Variants in PSMD9 observed in about 807,000 individuals in gnomAD.
PSMD9 encodes the protein 26S proteasome non-ATPase regulatory subunit 9.
PSMD9 carries 26 observed loss-of-function variants against 25.9 expected under a neutral mutation model. That is an observed-to-expected ratio of 1.00 (90% CI 0.73 to 1.39). The LOEUF is 1.39. PSMD9 is among the 40% of genes most tolerant of loss of function. PSMD9 has a pLI of 0.00. For synonymous variants in PSMD9, 110 were observed against 114.5 expected, an observed-to-expected ratio of 0.96 and a Z score of 0.25; for missense variants, 303 against 299.3, an observed-to-expected ratio of 1.01 and a Z score of -0.09.
chr12:121,894,696 A>G (rs1879179602), intron 1 of PSMD9, 43 bp from the exon 2 acceptor site: 2 of 1,546,236 alleles, frequency 1.3e-6, no homozygotes, highest in Non-Finnish European at 1.8e-6. Context: ...TCCTGGGGAC[A>G]TTACACCCAT....
chr12:121,910,501 C>T (rs906146292), intron 4 of PSMD9, among the ~76,000 whole-genome samples: 4 of 151,712 alleles, frequency 2.6e-5, no homozygotes, highest in Admixed American at 6.6e-5. Flanking sequence ...GTGGCTCACG[C>T]CTATAATCCC....
chr12:121,897,925 AT>A (rs970713536), intron 2 of PSMD9: 7 of 152,222 alleles, frequency 4.6e-5, no homozygotes, highest in African/African-American at 1.7e-4. Flanking sequence ...CCCTTTCAAC[AT>A]TTTGATTAGA....
intron 4 of PSMD9, among the ~76,000 whole-genome samples, chr12:121,913,516 G>A (rs1436307462): frequency 7.0e-6 from 1 of 143,070 alleles, no homozygotes; most frequent in African/African-American, 2.6e-5. Context: ...TTTTAAGACA[G>A]AATCTCACTC....
chr12:121,916,036 G>A, intron 5 of PSMD9, 92 bp downstream of exon 5: 1 of 1,337,606 alleles, frequency 7.5e-7, no homozygotes, highest in East Asian at 2.3e-5. Context: ...GAGACATTGG[G>A]GAATAATGGG....
At chr12:121,902,545 C>A (rs747455965) in intron 3 of PSMD9, 20 of 167,070 alleles carry the variant, frequency 1.2e-4, no homozygotes, top group Admixed American at 2.3e-4. Flanking sequence ...AGAACAAGAG[C>A]GTCACTCTAG....
chr12:121,897,045 G>T (rs1483796013), intron 2 of PSMD9, among the ~76,000 whole-genome samples: 3 of 151,944 alleles, frequency 2.0e-5, no homozygotes, highest in African/African-American at 7.3e-5. Context: ...ATGAGTGAAT[G>T]ACTCAGGCTG....
chr12:121,902,379 C>T (rs1879425547), intron 3 of PSMD9: 1 of 152,774 alleles, frequency 6.5e-6, no homozygotes, highest in Non-Finnish European at 1.5e-5. Flanking sequence ...AAACCCTGGT[C>T]CTACCAGTCT....
chr12:121,897,401 T>G (rs1188072561), intron 2 of PSMD9: 2 of 152,216 alleles, frequency 1.3e-5, no homozygotes, highest in East Asian at 3.9e-4. Flanking sequence ...GCCTCCCAAG[T>G]AGCTGAGATT....
At chr12:121,889,602 G>A (rs542988867) in intron 1 of PSMD9, among the ~76,000 whole-genome samples, 1 of 152,272 alleles carries the variant, frequency 6.6e-6, no homozygotes, top group South Asian at 2.1e-4. Context: ...TTTTGTTTGA[G>A]GCAAGGGAGC....
At chr12:121,889,072 T>A in intron 1 of PSMD9, 78 bp downstream of exon 1, 1 of 1,508,770 alleles carries the variant, frequency 6.6e-7, no homozygotes, top group Non-Finnish European at 8.9e-7. Flanking sequence ...CAGGGCGGCC[T>A]CAGTTTGGGC....
At chr12:121,906,741 G>C (rs1475400611) in intron 4 of PSMD9, among the ~76,000 whole-genome samples, 1 of 151,686 alleles carries the variant, frequency 6.6e-6, no homozygotes, top group Non-Finnish European at 1.5e-5. Context: ...TTGAACCTCG[G>C]AGGCAGAGGT....
Position 121,917,549 on chromosome 12 carries a change from A to C in PSMD9, c.*1238A>C, listed in dbSNP as rs748565011. The C allele has an allele frequency of 3.3e-5, 5 of 152,124 alleles. No homozygotes were observed. Among genetic ancestry groups the C allele is most frequent in the Admixed American group, 6.6e-5 (1 of 15,252 alleles). The allele number at this position is 152,124 out of a possible 1,614,324, so 9.4% of individuals were successfully genotyped here. The stretch of plus-strand genomic sequence containing the variant: ...CTTGCACACCGCTTTCTGTTTTGGC[A>C]GTTCTGCCAGGCAAGCCCTGTGTTC... On this transcript the variant is annotated 3_prime_UTR_variant, in exon 6 of 6. Transcript: ENST00000541212.
chr12:121,895,723 A>G (rs910699686), intron 2 of PSMD9, among the ~76,000 whole-genome samples: 2 of 152,148 alleles, frequency 1.3e-5, no homozygotes, highest in Non-Finnish European at 2.9e-5. Flanking sequence ...TTTCACCTAT[A>G]AAGACCTCTG....
chr12:121,910,881 C>T lies in PSMD9; in HGVS notation c.556-4975C>T. 6.8e-6 allele frequency: 3 copies of T among 442,526 alleles called. 1 individual carries two copies. Among genetic ancestry groups the T allele is most frequent in the Non-Finnish European group, 1.4e-5 (3 of 219,000 alleles). 27.4% of individuals were successfully genotyped at this position (442,526 alleles called of 1,614,324 possible). The stretch of plus-strand genomic sequence containing the variant: ...TCTCCCATCTCCAAAACTTTTTCAC[C>T]CTCCTAAACTGAAACCCAAATCTCC... On this transcript the variant is annotated intron_variant, in intron 4 of 5. Transcript: ENST00000541212.
chr12:121,904,590 T>C (rs1466980081), intron 4 of PSMD9, among the ~76,000 whole-genome samples: 1 of 150,618 alleles, frequency 6.6e-6, no homozygotes, highest in Non-Finnish European at 1.5e-5. Flanking sequence ...AGAAATTCTT[T>C]TAATTCTTTT....
chr12:121,890,712 T>C (rs528474478), intron 1 of PSMD9, among the ~76,000 whole-genome samples: 7 of 152,214 alleles, frequency 4.6e-5, no homozygotes, highest in African/African-American at 1.7e-4. Flanking sequence ...GCTCAAGCAG[T>C]CCTCCTGCCT....
Position 121,889,012 on chromosome 12 carries a change from GC to G in PSMD9, c.138+19del. ...TGGAAAGCGTGAGTGTGGGTTCGGG[GC>G]GCCCCAAGTCGCCTAACCCGGCCCG... On this transcript the variant is annotated intron_variant, in intron 1 of 5. Coordinates refer to ENST00000541212, the MANE Select transcript of PSMD9 (RefSeq NM_002813.7). 6.4e-7 allele frequency: 1 copy of G among 1,574,396 alleles called. No individual in the cohort carries two copies.
intron 4 of PSMD9, chr12:121,915,403 C>T (rs1454075761): frequency 6.5e-6 from 1 of 153,894 alleles, no homozygotes; most frequent in Non-Finnish European, 1.4e-5. Context: ...TGACTAAAAC[C>T]CTTCATTCTC....
At chr12:121,891,827 A>G (rs951582480) in intron 1 of PSMD9, among the ~76,000 whole-genome samples, 1 of 148,628 alleles carries the variant, frequency 6.7e-6, no homozygotes, top group Non-Finnish European at 1.5e-5. Context: ...AATCACTTGA[A>G]CCTGGGAGGC....
Sources: allele counts gnomAD v4.1 joint callset (sites outside exome capture counted in the v4.1 genomes callset), GRCh38; gene constraint gnomAD v4.1.1; transcripts MANE v1.5; gene names NCBI Gene and HGNC (gene_info 2026-07-23, HGNC 2026-07-21).